NRXN1: variants seen among roughly 807,000 people sequenced by gnomAD.
The protein encoded by NRXN1 is neurexin 1, also known as neurexin-1.
Under a neutral mutation model 150.9 loss-of-function variants are expected in NRXN1, and 39 were observed. The observed-to-expected ratio is 0.26, with a 90% CI of 0.20 to 0.34. The LOEUF (loss-of-function observed/expected upper bound fraction) is 0.34, where lower values mean the gene tolerates loss of function less well. Ranked by LOEUF, NRXN1 falls within the 10% of genes least tolerant of loss-of-function variation. The pLI is 1.00. For missense variants in NRXN1, 1,815 were observed against 1,949.9 expected, an observed-to-expected ratio of 0.93 and a Z score of 1.30; for synonymous variants, 924 against 757.0, an observed-to-expected ratio of 1.22 and a Z score of -3.62.
chr2:49,967,828 T>C (rs755038160), intron 21 of NRXN1, among the ~76,000 whole-genome samples: 2 of 152,096 alleles, frequency 1.3e-5, no homozygotes, highest in African/African-American at 2.4e-5. Flanking sequence ...AGTGGATGTC[T>C]TAAGAAGTGT....
intron 5 of NRXN1, among the ~76,000 whole-genome samples, chr2:50,767,672 A>G (rs1035088401): frequency 6.6e-6 from 1 of 152,102 alleles, no homozygotes; most frequent in African/African-American, 2.4e-5. Flanking sequence ...TTTGCTAAAC[A>G]ATAGTTCTTT....
intron 18 of NRXN1, among the ~76,000 whole-genome samples, chr2:50,192,531 A>T (rs1035447638): frequency 2.6e-5 from 4 of 152,128 alleles, no homozygotes; most frequent in Non-Finnish European, 4.4e-5. Flanking sequence ...AATAGTTTAC[A>T]TAATATAATT....
chr2:50,354,811 T>C (rs1271182948), intron 17 of NRXN1, among the ~76,000 whole-genome samples: 1 of 151,884 alleles, frequency 6.6e-6, no homozygotes, highest in African/African-American at 2.4e-5. Context: ...CCAACCAGCA[T>C]CAGCTAGAGA....
chr2:50,591,431 GATA>G (rs1674220533), intron 8 of NRXN1, among the ~76,000 whole-genome samples: 1 of 146,568 alleles, frequency 6.8e-6, no homozygotes, highest in African/African-American at 2.5e-5. Context: ...TAGATAGATA[GATA>G]GATAGATGTA....
chr2:50,963,881 C>T, intron 2 of NRXN1: 2 of 335,130 alleles, frequency 6.0e-6, no homozygotes, highest in African/African-American at 2.1e-5. Flanking sequence ...CTGAAAATAG[C>T]CAACTCAATA....
chr2:50,887,106 T>A (rs1680366807), intron 5 of NRXN1, among the ~76,000 whole-genome samples: 1 of 151,472 alleles, frequency 6.6e-6, no homozygotes, highest in South Asian at 2.1e-4. Flanking sequence ...TATCTCAGAA[T>A]GCAAGTTACT....
At chr2:50,994,399 C>A (rs1698979528) in intron 2 of NRXN1, among the ~76,000 whole-genome samples, 1 of 151,936 alleles carries the variant, frequency 6.6e-6, no homozygotes, top group African/African-American at 2.4e-5. Flanking sequence ...TCAAGTTTTC[C>A]AATTATACTT....
intron 17 of NRXN1, among the ~76,000 whole-genome samples, chr2:50,285,600 G>A (rs1361497830): frequency 6.6e-6 from 1 of 152,032 alleles, no homozygotes; most frequent in Non-Finnish European, 1.5e-5. Flanking sequence ...CCTCACTAAT[G>A]TTATAACTAA....
intron 5 of NRXN1, among the ~76,000 whole-genome samples, chr2:50,773,277 C>T (rs1017565759): frequency 6.6e-6 from 1 of 152,100 alleles, no homozygotes; most frequent in Non-Finnish European, 1.5e-5. Flanking sequence ...CAACCTTTGT[C>T]CAGAGGGTCT....
At chr2:50,748,606 G>A (rs1269292658) in intron 5 of NRXN1, among the ~76,000 whole-genome samples, 2 of 152,018 alleles carry the variant, frequency 1.3e-5, no homozygotes, top group African/African-American at 2.4e-5. Flanking sequence ...ACAGGGCTCC[G>A]TGGGCTTCCT....
At chr2:50,683,118 C>T (rs1690656510) in intron 5 of NRXN1, among the ~76,000 whole-genome samples, 1 of 152,014 alleles carries the variant, frequency 6.6e-6, no homozygotes, top group African/African-American at 2.4e-5. Flanking sequence ...ATCCTGCAAT[C>T]CTAACTTCCC....
chr2:50,337,411 G>A (rs116619057), intron 17 of NRXN1, among the ~76,000 whole-genome samples: 1 of 152,080 alleles, frequency 6.6e-6, no homozygotes, highest in South Asian at 2.1e-4. Flanking sequence ...TAATTGGCCT[G>A]CTTGGGTTTG....
chr2:50,231,291 T>C (rs2064916504), intron 18 of NRXN1, among the ~76,000 whole-genome samples: 1 of 152,106 alleles, frequency 6.6e-6, no homozygotes, highest in African/African-American at 2.4e-5. Flanking sequence ...CATCTATGTA[T>C]AATTACTGAC....
At position 50,287,800 on chromosome 2, in the gene NRXN1, G is replaced by A. The variant is rs748557986; in HGVS notation, c.3365-50830C>T. 4.6e-5 allele frequency among the ~76,000 whole-genome samples: 7 copies of A among 152,018 alleles called. No homozygotes were observed. In the East Asian group the frequency reaches 5.8e-4, roughly 13 times the overall value. On this transcript the variant is annotated intron_variant, in intron 17 of 22. Transcript: ENST00000401669. ...TTTAATTTCCCATATGTTGCAGCAC[G>A]CTTAATTCATTTAAGAGGTGATATT... is the stretch of plus-strand genomic sequence containing the variant.
At chr2:50,156,977 T>G (rs907902727) in intron 18 of NRXN1, among the ~76,000 whole-genome samples, 6 of 152,056 alleles carry the variant, frequency 3.9e-5, no homozygotes, top group Admixed American at 6.6e-5. Flanking sequence ...ATTATGTCCC[T>G]GGGGCTGTAC....
intron 5 of NRXN1, among the ~76,000 whole-genome samples, chr2:50,837,706 T>C (rs1174623713): frequency 6.6e-6 from 1 of 152,112 alleles, no homozygotes; most frequent in Non-Finnish European, 1.5e-5. Context: ...CAAAATATTT[T>C]AGCATAAACC....
At chr2:50,354,924 T>C (rs2078687550) in intron 17 of NRXN1, among the ~76,000 whole-genome samples, 1 of 151,892 alleles carries the variant, frequency 6.6e-6, no homozygotes, top group South Asian at 2.1e-4. Context: ...CATGAGATTG[T>C]TGAGAACAAC....
At chr2:50,883,084 T>C (rs1679692609) in intron 5 of NRXN1, among the ~76,000 whole-genome samples, 1 of 151,914 alleles carries the variant, frequency 6.6e-6, no homozygotes, top group African/African-American at 2.4e-5. Flanking sequence ...TTAAATGCTA[T>C]TATTCTTAAA....
chr2:50,999,625 A>G (rs1262123734), intron 2 of NRXN1, among the ~76,000 whole-genome samples: 1 of 152,020 alleles, frequency 6.6e-6, no homozygotes, highest in Non-Finnish European at 1.5e-5. Flanking sequence ...TAGGGAAAAT[A>G]GAAAAGAACC....
Sources: gnomAD v4.1 joint callset for allele counts (sites outside exome capture counted in the v4.1 genomes callset) on GRCh38, gnomAD v4.1.1 for gene constraint, MANE v1.5 for transcripts, NCBI Gene and HGNC (gene_info 2026-07-23, HGNC 2026-07-21) for gene names.